Variants in PSMD1 observed in about 807,000 individuals in gnomAD.
The protein encoded by PSMD1 is proteasome 26S subunit, non-ATPase 1, also known as 26S proteasome non-ATPase regulatory subunit 1.
In PSMD1, 18 loss-of-function variants were observed where a neutral mutation model predicts 119.0. That is an observed-to-expected ratio of 0.15 (90% CI 0.10 to 0.22). PSMD1 has a LOEUF of 0.22. PSMD1 is among the 10% of genes least tolerant of loss of function. The pLI is 1.00. For synonymous variants in PSMD1, 374 were observed against 396.6 expected (o/e 0.94, Z 0.68); for missense variants, 702 against 1,158.5 (o/e 0.61, Z 5.72).
intron 17 of PSMD1, among the ~76,000 whole-genome samples, chr2:231,139,314 C>CTTTTTTTTTTTTTTTTTTTTT (rs60709158): frequency 1.5e-4 from 14 of 93,540 alleles, no homozygotes; most frequent in Non-Finnish European, 2.0e-4. Context: ...TTTTTTCTTT[C>CTTTTTTTTTTTTTTTTTTTTT]TTTTTTTTTT....
At chr2:231,107,454 C>A (rs144524321) in intron 16 of PSMD1, among the ~76,000 whole-genome samples, 3 of 152,250 alleles carry the variant, frequency 2.0e-5, no homozygotes, top group Admixed American at 6.5e-5. Flanking sequence ...ATAACAGGAG[C>A]ATTAAAATAT....
chr2:231,121,335 C>G (rs1245924816), intron 16 of PSMD1, among the ~76,000 whole-genome samples: 2 of 151,482 alleles, frequency 1.3e-5, no homozygotes, highest in Non-Finnish European at 2.9e-5. Flanking sequence ...TGAGGCCAGC[C>G]CAGGCAACAT....
At chr2:231,085,140 A>T in intron 15 of PSMD1, 26 bp downstream of exon 15, 2 of 1,588,614 alleles carry the variant, frequency 1.3e-6, no homozygotes. Flanking sequence ...TTTCTTGGGA[A>T]TGGGGTGGAC....
chr2:231,136,763 C>T (rs1695973442), intron 16 of PSMD1, among the ~76,000 whole-genome samples: 2 of 151,700 alleles, frequency 1.3e-5, no homozygotes, highest in Non-Finnish European at 2.9e-5. Context: ...ATCCTGATGC[C>T]TATATTCCTC....
rs545591086 is a variant in PSMD1 at position 231,137,124 on chromosome 2, A to T, written c.1884-1612A>T. Among the ~76,000 whole-genome samples, 439 of 147,522 alleles carry T rather than the reference A, an allele frequency of 3.0e-3. 2 individuals carry two copies. Among genetic ancestry groups the T allele is most frequent in the African/African-American group, 0.01 (413 of 40,210 alleles). On this transcript the variant is annotated intron_variant, in intron 16 of 24. Transcript: ENST00000308696. The stretch of plus-strand genomic sequence containing the variant: ...TATATATTATATATTTTATTTATTT[A>T]TTTTTTTCCTTGAGATGGAGTCTCG...
At chr2:231,102,550 G>T (rs1474976531) in intron 16 of PSMD1, among the ~76,000 whole-genome samples, 1 of 152,140 alleles carries the variant, frequency 6.6e-6, no homozygotes, top group Non-Finnish European at 1.5e-5. Flanking sequence ...GTAAGCTAGA[G>T]AAAAGAAAAT....
chr2:231,106,160 AG>A (rs1694969574), intron 16 of PSMD1, among the ~76,000 whole-genome samples: 1 of 152,080 alleles, frequency 6.6e-6, no homozygotes, highest in Non-Finnish European at 1.5e-5. Flanking sequence ...ATCTCTTTAA[AG>A]TATTCATAAA....
chr2:231,150,307 A>T (rs931735923), intron 18 of PSMD1, among the ~76,000 whole-genome samples: 26 of 151,940 alleles, frequency 1.7e-4, no homozygotes, highest in African/African-American at 6.0e-4. Context: ...AGATCACACC[A>T]CTGCACTCCA....
chr2:231,143,915 T>C (rs1393349245), intron 17 of PSMD1, among the ~76,000 whole-genome samples: 1 of 152,228 alleles, frequency 6.6e-6, no homozygotes, highest in Non-Finnish European at 1.5e-5. Context: ...AAATCAATTC[T>C]AGTCTATGAT....
At chr2:231,083,817 C>A in intron 14 of PSMD1, 54 bp downstream of exon 14, 1 of 1,536,188 alleles carries the variant, frequency 6.5e-7, no homozygotes, top group East Asian at 2.3e-5. Flanking sequence ...GTAAAAAACA[C>A]TTAACTTCAC....
At chr2:231,078,041 G>A (rs1045994325) in intron 9 of PSMD1, among the ~76,000 whole-genome samples, 1 of 152,248 alleles carries the variant, frequency 6.6e-6, no homozygotes, top group Non-Finnish European at 1.5e-5. Flanking sequence ...GCCGAGGCAG[G>A]CGGATCACCT....
At position 231,056,940 on chromosome 2, in the gene PSMD1, C is replaced by G; in HGVS notation, c.-86C>G. ...AGCGCACCCGGGGAGCAAGGAGGCG[C>G]GGTGAACTGAGCGGCCCCTGAGCTG... On this transcript the variant is annotated 5_prime_UTR_variant, in exon 1 of 25. Transcript: ENST00000308696. 5 of 1,513,448 alleles carry G rather than the reference C, an allele frequency of 3.3e-6. No individual in the cohort carries two copies. The South Asian group carries it at 6.0e-5, about 18-fold the overall frequency. 93.8% of individuals were successfully genotyped at this position (1,513,448 alleles called of 1,614,324 possible). A position where few individuals can be genotyped will look rare whatever the true frequency, so the allele number is the denominator to read the frequency against.
chr2:231,074,944 T>TCG (rs1694126074), intron 7 of PSMD1, among the ~76,000 whole-genome samples: 1 of 152,216 alleles, frequency 6.6e-6, no homozygotes, highest in Admixed American at 6.5e-5. Flanking sequence ...TCTTCCCACT[T>TCG]CAGCCTCCGG....
In PSMD1 at chr2:231,083,649, A is replaced by C. The variant is rs745552908; in HGVS notation, c.1608A>C (p.Ala536=). 6.2e-6 allele frequency: 10 copies of C among 1,614,234 alleles called. No individual in the cohort carries two copies. The highest frequency in any genetic ancestry group is 8.5e-6 in the Non-Finnish European group (10 of 1,180,038). Residue 536 remains alanine, a synonymous_variant, in exon 14 of 25, where the codon GCA becomes GCC. Coordinates refer to ENST00000308696, the MANE Select transcript of PSMD1 (RefSeq NM_002807.4). ...CTATTGAGGACATGGTTGGTTATGC[A>C]CAAGAAACTCAACATGAGAAGATTC... ...AQAIEDMVGY[A]QETQHEKILR...
intron 19 of PSMD1, among the ~76,000 whole-genome samples, chr2:231,159,106 T>C (rs1016236938): frequency 6.6e-6 from 1 of 152,256 alleles, no homozygotes; most frequent in East Asian, 1.9e-4. Flanking sequence ...AAGATGCCTA[T>C]AAAACACTGA....
chr2:231,067,158 G>T (rs1304583255), intron 5 of PSMD1, 47 bp downstream of exon 5: 1 of 1,380,154 alleles, frequency 7.2e-7, no homozygotes, highest in Non-Finnish European at 9.8e-7. Flanking sequence ...TAGGGAATCA[G>T]CAAAGCAAGT....
chr2:231,163,905 T>C (rs952599286), intron 21 of PSMD1, among the ~76,000 whole-genome samples, 178 bp downstream of exon 21: 1 of 152,256 alleles, frequency 6.6e-6, no homozygotes, highest in African/African-American at 2.4e-5. Flanking sequence ...CCAAGTCTCA[T>C]GTCACAGGAG....
At chr2:231,082,718 C>A (rs2007131) in intron 12 of PSMD1, among the ~76,000 whole-genome samples, 165 bp from the exon 13 acceptor site, 74,576 of 152,112 alleles carry the variant, frequency 0.49, 21,581 homozygotes, top group African/African-American at 0.8. Flanking sequence ...ACAAAAACTG[C>A]AATTGCTGAG....
chr2:231,127,650 C>CA (rs1695758798), intron 16 of PSMD1, among the ~76,000 whole-genome samples: 1 of 152,148 alleles, frequency 6.6e-6, no homozygotes, highest in East Asian at 1.9e-4. Flanking sequence ...CACCGCACCC[C>CA]ACGCCCTTTG....
Sources: gnomAD v4.1 joint callset for allele counts (sites outside exome capture counted in the v4.1 genomes callset) on GRCh38, gnomAD v4.1.1 for gene constraint, MANE v1.5 for transcripts, NCBI Gene and HGNC (gene_info 2026-07-23, HGNC 2026-07-21) for gene names.